Variants in RALYL observed in about 807,000 individuals in gnomAD.
RALYL encodes the protein RNA-binding Raly-like protein.
In RALYL, 29 loss-of-function variants were observed where a neutral mutation model predicts 35.1. That is an observed-to-expected ratio of 0.83 (90% CI 0.61 to 1.13). The LOEUF (loss-of-function observed/expected upper bound fraction) is 1.13. Among genes scored for constraint, RALYL ranks in the 50% most tolerant of loss-of-function variants. RALYL has a pLI of 0.00. For synonymous variants in RALYL, 120 were observed against 127.6 expected (o/e 0.94, Z 0.40); for missense variants, 359 against 360.4 (o/e 1.00, Z 0.03).
chr8:84,245,041 C>T (rs1446725710), intron 1 of RALYL, among the ~76,000 whole-genome samples: 3 of 152,128 alleles, frequency 2.0e-5, no homozygotes, highest in African/African-American at 7.2e-5. Flanking sequence ...GTGGATACTG[C>T]ACATATAGTA....
At chr8:84,654,270 CATATATATATATAT>C (rs143309933) in intron 2 of RALYL, among the ~76,000 whole-genome samples, 2,001 of 44,532 alleles carry the variant, frequency 0.045, 117 homozygotes, top group African/African-American at 0.094. Context: ...TCTCATGTTC[CATATATATATATAT>C]ATATATATAT....
intron 1 of RALYL, among the ~76,000 whole-genome samples, chr8:84,395,933 T>A (rs1861662577): frequency 6.6e-6 from 1 of 152,014 alleles, no homozygotes; most frequent in African/African-American, 2.4e-5. Context: ...AGGATAAGAA[T>A]GCAGTTCTTC....
intron 1 of RALYL, among the ~76,000 whole-genome samples, chr8:84,407,328 A>G (rs557804820): frequency 6.6e-6 from 1 of 152,250 alleles, no homozygotes; most frequent in East Asian, 1.9e-4. Flanking sequence ...ATAGTTCCAT[A>G]TTTAAGAGAA....
Position 84,445,542 on chromosome 8 carries a change from G to A in RALYL, c.-23-83757G>A, listed in dbSNP as rs112393744. ...TCCTTCCTGCATATCATAGTTCTAT[G>A]TTTGTTTGGAAATTAAATCATTAAA... On this transcript the variant is annotated intron_variant, in intron 1 of 8. Transcript: ENST00000521268. Among the ~76,000 whole-genome samples, 1,299 of 151,684 alleles carry A rather than the reference G, an allele frequency of 8.6e-3. 21 individuals are homozygous for A. Among genetic ancestry groups the A allele is most frequent in the African/African-American group, 0.029 (1,192 of 41,460 alleles).
intron 2 of RALYL, among the ~76,000 whole-genome samples, chr8:84,732,670 A>T (rs939538126): frequency 7.3e-6 from 1 of 136,176 alleles, no homozygotes; most frequent in Non-Finnish European, 1.6e-5. Flanking sequence ...TTAAATAATT[A>T]TATATATATA....
intron 2 of RALYL, among the ~76,000 whole-genome samples, chr8:84,571,730 T>G (rs958986619): frequency 1.3e-5 from 2 of 151,826 alleles, no homozygotes; most frequent in Non-Finnish European, 2.9e-5. Context: ...TCTTTCTCTT[T>G]TTTATGTAGG....
intron 5 of RALYL, among the ~76,000 whole-genome samples, chr8:84,860,224 A>G (rs1837843880): frequency 6.6e-6 from 1 of 152,244 alleles, no homozygotes; most frequent in Non-Finnish European, 1.5e-5. Context: ...GCACTCTTAC[A>G]TCATTGTATA....
chr8:84,310,963 C>A (rs1443333840), intron 1 of RALYL, among the ~76,000 whole-genome samples: 1 of 133,772 alleles, frequency 7.5e-6, no homozygotes, highest in Non-Finnish European at 1.6e-5. Flanking sequence ...AGGAGAATGG[C>A]GTGAACCCGG....
chr8:84,528,013 C>A (rs955806307), intron 1 of RALYL, among the ~76,000 whole-genome samples: 1 of 152,102 alleles, frequency 6.6e-6, no homozygotes, highest in East Asian at 1.9e-4. Flanking sequence ...GTTTTAAATG[C>A]ATAATAAGTA....
chr8:84,392,051 G>T (rs964781317), intron 1 of RALYL, among the ~76,000 whole-genome samples: 2 of 152,030 alleles, frequency 1.3e-5, no homozygotes, highest in African/African-American at 4.8e-5. Flanking sequence ...CATTTAATCA[G>T]CAAGAACGCA....
intron 1 of RALYL, among the ~76,000 whole-genome samples, chr8:84,386,618 A>C (rs1859255151): frequency 6.6e-6 from 1 of 151,760 alleles, no homozygotes; most frequent in Non-Finnish European, 1.5e-5. Context: ...GAGTTCACAG[A>C]TTTTCCTGGT....
intron 8 of RALYL, among the ~76,000 whole-genome samples, chr8:84,916,175 G>A (rs1184916990): frequency 6.6e-6 from 1 of 152,036 alleles, no homozygotes; most frequent in African/African-American, 2.4e-5. Flanking sequence ...CAAATCCACA[G>A]AAACTTTTCC....
chr8:84,458,634 A>G (rs553218240), intron 1 of RALYL, among the ~76,000 whole-genome samples: 1 of 151,884 alleles, frequency 6.6e-6, no homozygotes, highest in Non-Finnish European at 1.5e-5. Context: ...TCAAACTTAT[A>G]AAAATATTTC....
At chr8:84,535,546 C>A (rs532937476) in intron 2 of RALYL, among the ~76,000 whole-genome samples, 93 of 152,116 alleles carry the variant, frequency 6.1e-4, no homozygotes, top group Non-Finnish European at 1.1e-3. Context: ...CGCCATTCTC[C>A]TGCCTCAGCC....
intron 2 of RALYL, among the ~76,000 whole-genome samples, chr8:84,574,927 C>T (rs968510700): frequency 1.3e-5 from 2 of 151,982 alleles, no homozygotes; most frequent in South Asian, 2.1e-4. Context: ...TAGTTGTTTA[C>T]GTGACATATA....
At chr8:84,297,922 A>G (rs572391820) in intron 1 of RALYL, among the ~76,000 whole-genome samples, 1 of 151,920 alleles carries the variant, frequency 6.6e-6, no homozygotes, top group South Asian at 2.1e-4. Context: ...AGTTCCTTAT[A>G]GACTCTTGAT....
chr8:84,577,311 G>A (rs79815753), intron 2 of RALYL, among the ~76,000 whole-genome samples: 1,670 of 152,310 alleles, frequency 0.011, 33 homozygotes, highest in African/African-American at 0.037. Context: ...TAAATGTCAG[G>A]CTTTTAAGGT....
chr8:84,486,125 G>A (rs910950270), intron 1 of RALYL, among the ~76,000 whole-genome samples: 2 of 148,270 alleles, frequency 1.3e-5, no homozygotes, highest in Non-Finnish European at 1.5e-5. Flanking sequence ...AGTGTACCTA[G>A]TGTGCATTTG....
intron 2 of RALYL, among the ~76,000 whole-genome samples, chr8:84,565,197 A>G (rs2135670018): frequency 6.6e-6 from 1 of 151,736 alleles, no homozygotes; most frequent in Middle Eastern, 3.4e-3. Flanking sequence ...GTTAATGACA[A>G]AATAGATTAA....
Sources: allele counts gnomAD v4.1 joint callset (sites outside exome capture counted in the v4.1 genomes callset), GRCh38; gene constraint gnomAD v4.1.1; transcripts MANE v1.5; gene names NCBI Gene and HGNC (gene_info 2026-07-23, HGNC 2026-07-21).